Variants in SGCD observed in about 807,000 individuals in gnomAD.
SGCD encodes the protein delta-sarcoglycan.
SGCD carries 18 observed loss-of-function variants against 36.6 expected under a neutral mutation model. That is an observed-to-expected ratio of 0.49 (90% CI 0.34 to 0.73). The LOEUF (loss-of-function observed/expected upper bound fraction) is 0.73, where lower values mean the gene tolerates loss of function less well. SGCD is among the 30% of genes least tolerant of loss of function. SGCD has a pLI of 0.01. For synonymous variants in SGCD, 133 were observed against 130.6 expected, an observed-to-expected ratio of 1.02 and a Z score of -0.12; for missense variants, 387 against 346.7, an observed-to-expected ratio of 1.12 and a Z score of -0.92.
chr5:156,037,691 G>A (rs1189408438), intron 1 of SGCD, among the ~76,000 whole-genome samples: 2 of 152,148 alleles, frequency 1.3e-5, no homozygotes, highest in Admixed American at 1.3e-4. Flanking sequence ...ATGAGTCATT[G>A]TCTTTTTAAA....
At chr5:156,718,469 G>GT (rs981491139) in intron 7 of SGCD, among the ~76,000 whole-genome samples, 5 of 151,890 alleles carry the variant, frequency 3.3e-5, no homozygotes, top group Admixed American at 6.6e-5. Context: ...ATGTGCTTTG[G>GT]TTTTTTTATC....
At chr5:156,230,356 T>A (rs1017110151) in intron 3 of SGCD, among the ~76,000 whole-genome samples, 14 of 152,146 alleles carry the variant, frequency 9.2e-5, no homozygotes, top group African/African-American at 3.1e-4. Context: ...TTCAGATTCT[T>A]TTGTCCCGCG....
At chr5:156,608,943 C>T (rs1375293393) in intron 6 of SGCD, among the ~76,000 whole-genome samples, 12 of 152,060 alleles carry the variant, frequency 7.9e-5, no homozygotes, top group African/African-American at 2.9e-4. Flanking sequence ...TGTGTCTCTG[C>T]ACATGAGATG....
intron 3 of SGCD, among the ~76,000 whole-genome samples, chr5:156,307,552 GTTGTTTTTTTTTT>G (rs1767253003): frequency 4.1e-5 from 2 of 48,444 alleles, no homozygotes; most frequent in South Asian, 7.8e-4. Flanking sequence ...CATTTTAACT[GTTGTTTTTTTTTT>G]TTTTTTTTTT....
chr5:156,682,187 C>T (rs916313140), intron 7 of SGCD, among the ~76,000 whole-genome samples: 7 of 152,102 alleles, frequency 4.6e-5, no homozygotes, highest in African/African-American at 1.2e-4. Context: ...GAAAAGATAA[C>T]GTAGAATGTC....
chr5:155,857,999 C>T, the SGCD span, among the ~76,000 whole-genome samples: 1 of 151,942 alleles, frequency 6.6e-6, no homozygotes, highest in African/African-American at 2.4e-5. Context: ...TGGTTGAATG[C>T]TTTTTATTCT....
At chr5:156,014,020 A>G (rs1214260687) in intron 1 of SGCD, among the ~76,000 whole-genome samples, 2 of 151,842 alleles carry the variant, frequency 1.3e-5, no homozygotes, top group African/African-American at 2.4e-5. Context: ...TCAAAAAGTT[A>G]GAAAATCCTT....
chr5:156,320,714 G>A (rs956690008), intron 3 of SGCD, among the ~76,000 whole-genome samples: 11 of 152,112 alleles, frequency 7.2e-5, no homozygotes, highest in African/African-American at 1.7e-4. Context: ...TTGAATTTCC[G>A]AAACAGAAGA....
In SGCD at chr5:156,698,565, G is replaced by A. The variant is rs189153925; in HGVS notation, c.575+51029G>A. 2.6e-5 allele frequency among the ~76,000 whole-genome samples: 4 copies of A among 152,264 alleles called. No individual in the cohort carries two copies. The East Asian group carries it at 5.8e-4, about 22-fold the overall frequency. On this transcript the variant is annotated intron_variant, in intron 7 of 8. Coordinates refer to ENST00000337851, the MANE Select transcript of SGCD (RefSeq NM_000337.6). Reference sequence around the variant, plus strand: ...CGGGTATTCTGAACAGATGGTATTCGGCTTGTGCTCTGTGCATCTCTAGCA... The same window carrying A: ...CGGGTATTCTGAACAGATGGTATTCAGCTTGTGCTCTGTGCATCTCTAGCA...
chr5:156,304,992 G>A (rs1767164835), intron 3 of SGCD, among the ~76,000 whole-genome samples: 1 of 152,178 alleles, frequency 6.6e-6, no homozygotes, highest in Non-Finnish European at 1.5e-5. Flanking sequence ...TTCAAGAAGT[G>A]ACTTGGGTGC....
At chr5:156,526,612 T>A (rs1462770354) in intron 4 of SGCD, among the ~76,000 whole-genome samples, 2 of 152,160 alleles carry the variant, frequency 1.3e-5, no homozygotes, top group African/African-American at 4.8e-5. Context: ...ACATAAATTA[T>A]GGATATTATT....
intron 1 of SGCD, among the ~76,000 whole-genome samples, chr5:156,059,065 C>A (rs1336248728): frequency 6.9e-6 from 1 of 144,542 alleles, no homozygotes; most frequent in Non-Finnish European, 1.6e-5. Context: ...TGTGCTTCCT[C>A]ATAATTTTCA....
At chr5:156,413,667 G>C (rs369111837) in intron 3 of SGCD, among the ~76,000 whole-genome samples, 31 of 152,258 alleles carry the variant, frequency 2.0e-4, no homozygotes, top group African/African-American at 6.7e-4. Flanking sequence ...TTTTTGGGTA[G>C]AGACAGAGTC....
At chr5:155,728,370 T>G in the SGCD span, among the ~76,000 whole-genome samples, 2 of 152,088 alleles carry the variant, frequency 1.3e-5, no homozygotes, top group Admixed American at 1.3e-4. Flanking sequence ...CTGCGGGAGC[T>G]GCGGCCGCCT....
In SGCD at chr5:156,430,178, A is replaced by C. The variant is rs536008317; in HGVS notation, c.193-78423A>C. 2.0e-5 allele frequency among the ~76,000 whole-genome samples: 3 copies of C among 152,274 alleles called. No homozygotes were observed. The South Asian group carries it at 6.2e-4, about 32-fold the overall frequency. On this transcript the variant is annotated intron_variant, in intron 3 of 8. Transcript: ENST00000337851. ...TTCTTAGGTTTGGCCATTTTACATA[A>C]TTCCATATTTCATGGATACTTTGTT... is the stretch of plus-strand genomic sequence containing the variant.
At chr5:156,522,793 A>C (rs1389306755) in intron 4 of SGCD, among the ~76,000 whole-genome samples, 1 of 151,458 alleles carries the variant, frequency 6.6e-6, no homozygotes, top group African/African-American at 2.4e-5. Flanking sequence ...AGTGCTGTAC[A>C]AAATCCTGTG....
intron 1 of SGCD, among the ~76,000 whole-genome samples, chr5:156,008,449 C>G (rs1305468298): frequency 1.3e-5 from 2 of 152,134 alleles, no homozygotes; most frequent in Non-Finnish European, 2.9e-5. Context: ...GATCATGGCT[C>G]ACTGCAGCCT....
At chr5:155,755,398 A>G in the SGCD span, among the ~76,000 whole-genome samples, 1 of 152,212 alleles carries the variant, frequency 6.6e-6, no homozygotes, top group Admixed American at 6.5e-5. Context: ...CTAAGAGACT[A>G]ATAGAACTAT....
chr5:155,871,041 G>A (rs244993), intron 1 of SGCD, among the ~76,000 whole-genome samples: 1,878 of 151,950 alleles, frequency 0.012, 24 homozygotes, highest in Non-Finnish European at 0.017. Flanking sequence ...GATTGATTTC[G>A]GTTTTTTTTT....
Sources: gnomAD v4.1 joint callset for allele counts (sites outside exome capture counted in the v4.1 genomes callset) on GRCh38, gnomAD v4.1.1 for gene constraint, MANE v1.5 for transcripts, NCBI Gene and HGNC (gene_info 2026-07-23, HGNC 2026-07-21) for gene names.